The following ZNRF1 variants were observed in gnomAD, a reference collection of about 807,000 sequenced individuals.
ZNRF1 encodes the protein zinc and ring finger 1.
ZNRF1 carries 3 observed loss-of-function variants against 18.4 expected under a neutral mutation model. That is an observed-to-expected ratio of 0.16 (90% CI 0.07 to 0.42). The LOEUF is 0.42. ZNRF1 is among the 10% of genes least tolerant of loss of function. The pLI is 0.99. For missense variants in ZNRF1, 310 were observed against 329.8 expected (o/e 0.94, Z 0.47); for synonymous variants, 157 against 144.2 (o/e 1.09, Z -0.64).
At chr16:75,027,607 CA>C (rs1385121348) in intron 1 of ZNRF1, among the ~76,000 whole-genome samples, 1 of 152,152 alleles carries the variant, frequency 6.6e-6, no homozygotes, top group Non-Finnish European at 1.5e-5. Flanking sequence ...TCTCCTTAAA[CA>C]ACTTAAATTC....
chr16:75,037,019 A>C (rs1413611155), intron 1 of ZNRF1, among the ~76,000 whole-genome samples: 1 of 152,144 alleles, frequency 6.6e-6, no homozygotes, highest in Non-Finnish European at 1.5e-5. Flanking sequence ...TACTTTACAC[A>C]TGCTCTTATT....
chr16:75,007,935 G>T lies in ZNRF1; in HGVS notation c.424+7840G>T, dbSNP rs1377457232. Among the ~76,000 whole-genome samples, 11 of 152,052 alleles carry T rather than the reference G, an allele frequency of 7.2e-5. 1 individual carries two copies. Among genetic ancestry groups the T allele is most frequent in the Non-Finnish European group, 8.8e-5 (6 of 68,012 alleles). On this transcript the variant is annotated intron_variant, in intron 1 of 4. Coordinates refer to ENST00000335325, the MANE Select transcript of ZNRF1 (RefSeq NM_032268.5). ...GGCTGGAGTGCAATAGCAAGATCAC[G>T]CTCACTGCAGCCTGGAACTCCTGGT... is the stretch of plus-strand genomic sequence containing the variant.
At chr16:75,022,300 A>G (rs2035161384) in intron 1 of ZNRF1, among the ~76,000 whole-genome samples, 1 of 151,780 alleles carries the variant, frequency 6.6e-6, no homozygotes. Context: ...GAGGTGGCTC[A>G]CGCCTGTAAT....
At chr16:75,086,722 G>T (rs1163489915) in intron 1 of ZNRF1, among the ~76,000 whole-genome samples, 1 of 152,150 alleles carries the variant, frequency 6.6e-6, no homozygotes, top group African/African-American at 2.4e-5. Flanking sequence ...AAAGATTGAG[G>T]CTGGAAACTA....
chr16:75,065,591 C>A (rs964767636), intron 1 of ZNRF1, among the ~76,000 whole-genome samples: 62 of 152,276 alleles, frequency 4.1e-4, no homozygotes, highest in Middle Eastern at 6.8e-3. Context: ...AAGGTCTTAT[C>A]CCTTCTTCTG....
At chr16:75,103,356 G>T (rs2036274514) in intron 2 of ZNRF1, among the ~76,000 whole-genome samples, 1 of 152,088 alleles carries the variant, frequency 6.6e-6, no homozygotes, top group African/African-American at 2.4e-5. Flanking sequence ...CAATTTAATA[G>T]CATTTAAGAC....
intron 1 of ZNRF1, among the ~76,000 whole-genome samples, chr16:75,006,095 T>C (rs2034913596): frequency 6.6e-6 from 1 of 152,218 alleles, no homozygotes; most frequent in Non-Finnish European, 1.5e-5. Flanking sequence ...ACCACCATCA[T>C]GTATGCAGTT....
At chr16:75,086,373 C>T (rs2036074462) in intron 1 of ZNRF1, among the ~76,000 whole-genome samples, 1 of 152,214 alleles carries the variant, frequency 6.6e-6, no homozygotes, top group African/African-American at 2.4e-5. Flanking sequence ...GCCTCCAGGC[C>T]CCAGAACAGA....
intron 2 of ZNRF1, among the ~76,000 whole-genome samples, chr16:75,101,699 T>A (rs2036257199): frequency 6.6e-6 from 1 of 152,154 alleles, no homozygotes; most frequent in African/African-American, 2.4e-5. Context: ...CTTATCAGGG[T>A]TTTTAACTAA....
chr16:75,038,657 C>T (rs952996642), intron 1 of ZNRF1, among the ~76,000 whole-genome samples: 1 of 152,196 alleles, frequency 6.6e-6, no homozygotes, highest in Admixed American at 6.5e-5. Context: ...TTGAGCCCCA[C>T]TGTAAGCCAG....
chr16:75,075,893 G>A lies in ZNRF1; in HGVS notation c.425-17679G>A, dbSNP rs190660799. 1.7e-4 allele frequency among the ~76,000 whole-genome samples: 26 copies of A among 152,320 alleles called. No homozygotes were observed. In the South Asian group the frequency reaches 2.1e-3, roughly 12 times the overall value. On this transcript the variant is annotated intron_variant, in intron 1 of 4. Transcript: ENST00000335325. Reference sequence around the variant, plus strand: ...AGGAACTGGGAGAGGAAGTGAAGATGGCCATTGGAGATGCTTCATTGGAAC... The same window carrying A: ...AGGAACTGGGAGAGGAAGTGAAGATAGCCATTGGAGATGCTTCATTGGAAC...
chr16:75,019,138 C>G (rs966065796), intron 1 of ZNRF1, among the ~76,000 whole-genome samples: 2 of 152,002 alleles, frequency 1.3e-5, no homozygotes, highest in Non-Finnish European at 2.9e-5. Flanking sequence ...TGCATTCCAG[C>G]CTGGGAGACA....
chr16:75,085,318 G>C (rs1288042076), intron 1 of ZNRF1, among the ~76,000 whole-genome samples: 1 of 152,012 alleles, frequency 6.6e-6, no homozygotes, highest in East Asian at 1.9e-4. Flanking sequence ...TCCTTCACTT[G>C]GCGTGTTTTA....
chr16:75,041,832 T>A (rs887762977), intron 1 of ZNRF1, among the ~76,000 whole-genome samples: 3 of 150,498 alleles, frequency 2.0e-5, no homozygotes, highest in African/African-American at 7.3e-5. Context: ...AAAAAAAAAA[T>A]ATATATATAT....
At chr16:75,072,002 G>T (rs1165408511) in intron 1 of ZNRF1, among the ~76,000 whole-genome samples, 1 of 152,176 alleles carries the variant, frequency 6.6e-6, no homozygotes, top group East Asian at 1.9e-4. Context: ...GCAGTGGCAT[G>T]ATCATGGCTT....
Position 75,091,647 on chromosome 16 carries a change from C to T in ZNRF1, c.425-1925C>T, listed in dbSNP as rs913295872. On this transcript the variant is annotated intron_variant, in intron 1 of 4. Transcript: ENST00000335325. ...TCCTGGGCTCAAGCCATCCTCCCAC[C>T]TCAGCCTCTCAAGTAGCTAGGACTA... Among the ~76,000 whole-genome samples the T allele has an allele frequency of 1.3e-4, 19 of 151,796 alleles. 2 individuals carry two copies. The highest frequency in any genetic ancestry group is 1.1e-3 in the Admixed American group (17 of 15,240).
At chr16:75,029,727 C>G (rs370612151) in intron 1 of ZNRF1, among the ~76,000 whole-genome samples, 134 of 151,772 alleles carry the variant, frequency 8.8e-4, no homozygotes, top group African/African-American at 3.2e-3. Flanking sequence ...CAAGATCATG[C>G]CACTGCACTC....
chr16:75,064,910 A>G (rs1193306044), intron 1 of ZNRF1, among the ~76,000 whole-genome samples: 1 of 152,186 alleles, frequency 6.6e-6, no homozygotes, highest in African/African-American at 2.4e-5. Context: ...TCAGCAGTGC[A>G]TGTGCCGTCC....
chr16:75,107,621 G>A, intron 4 of ZNRF1, 112 bp from the exon 5 acceptor site: 1 of 440,584 alleles, frequency 2.3e-6, no homozygotes, highest in Non-Finnish European at 4.6e-6. Context: ...GGCTTCTGGG[G>A]TCCTGTGTAG....
Sources: gnomAD v4.1 joint callset for allele counts (sites outside exome capture counted in the v4.1 genomes callset) on GRCh38, gnomAD v4.1.1 for gene constraint, MANE v1.5 for transcripts, NCBI Gene and HGNC (gene_info 2026-07-23, HGNC 2026-07-21) for gene names.